Variants in ZSWIM7 observed in about 807,000 individuals in gnomAD.
ZSWIM7 encodes zinc finger SWIM domain-containing protein 7.
Under a neutral mutation model 21.1 loss-of-function variants are expected in ZSWIM7, and 22 were observed. That is an observed-to-expected ratio of 1.04 (90% CI 0.74 to 1.49). ZSWIM7 has a LOEUF of 1.49. ZSWIM7 is among the 40% of genes most tolerant of loss of function. ZSWIM7 has a pLI of 0.00. For missense variants in ZSWIM7, 193 were observed against 168.0 expected (o/e 1.15, Z -0.82); for synonymous variants, 67 against 66.5 (o/e 1.01, Z -0.04).
chr17:15,995,573 C>CT (rs1487975423), intron 1 of ZSWIM7, among the ~76,000 whole-genome samples: 97 of 118,746 alleles, frequency 8.2e-4, no homozygotes, highest in African/African-American at 3.3e-3. Flanking sequence ...GACCCTGTCT[C>CT]TTAAAAAAAA....
chr17:15,986,144 A>C (rs776240042), intron 3 of ZSWIM7, among the ~76,000 whole-genome samples: 2 of 152,132 alleles, frequency 1.3e-5, no homozygotes, highest in African/African-American at 2.4e-5. Context: ...CCTGGGTTCA[A>C]GCAATTCTTC....
chr17:15,996,254 G>A (rs1198538882), intron 1 of ZSWIM7, among the ~76,000 whole-genome samples: 1 of 152,066 alleles, frequency 6.6e-6, no homozygotes, highest in Non-Finnish European at 1.5e-5. Context: ...GGTGAGCAGA[G>A]ATTGCACCAT....
At chr17:15,994,515 T>G (rs540186260) in intron 1 of ZSWIM7, among the ~76,000 whole-genome samples, 210 of 152,286 alleles carry the variant, frequency 1.4e-3, no homozygotes, top group African/African-American at 4.8e-3. Context: ...AATAAGACTC[T>G]TTTCGAGTAC....
chr17:15,986,264 G>GC (rs1970408940), intron 3 of ZSWIM7, among the ~76,000 whole-genome samples: 1 of 152,086 alleles, frequency 6.6e-6, no homozygotes, highest in African/African-American at 2.4e-5. Context: ...GGCTGGTCTT[G>GC]AACTCCTGAC....
In ZSWIM7 at chr17:15,976,923, C is replaced by T. The variant is rs1042948900; in HGVS notation, c.*1124G>A. The T allele has an allele frequency of 2.0e-5, 3 of 152,094 alleles. No individual in the cohort carries two copies. The highest frequency in any genetic ancestry group is 7.2e-5 in the African/African-American group (3 of 41,408). 9.4% of individuals were successfully genotyped at this position (152,094 alleles called of 1,614,324 possible). A position where few individuals can be genotyped will look rare whatever the true frequency, so the allele number is the denominator to read the frequency against. The stretch of plus-strand genomic sequence containing the variant: ...CTGAAATTGATTTCATTTTCATCTT[C>T]ACGTATTATTGCTTCTTTGCTCTCT... On this transcript the variant is annotated 3_prime_UTR_variant, in exon 5 of 5. Transcript: ENST00000399277.
At chr17:15,980,927 C>G (rs1268916406) in intron 4 of ZSWIM7, 113 bp downstream of exon 4, 1 of 702,272 alleles carries the variant, frequency 1.4e-6, no homozygotes, top group Non-Finnish European at 2.2e-6. Flanking sequence ...AAAAAACTAC[C>G]ATTTGTTTCA....
chr17:15,991,910 TTTTG>T (rs1567571355), intron 2 of ZSWIM7, among the ~76,000 whole-genome samples: 1 of 97,416 alleles, frequency 1.0e-5, no homozygotes, highest in Non-Finnish European at 2.1e-5. Flanking sequence ...TTTTGTTTTT[TTTTG>T]TTTGTTTTGT....
intron 3 of ZSWIM7, among the ~76,000 whole-genome samples, chr17:15,983,794 C>T (rs1272763924): frequency 1.3e-5 from 2 of 152,048 alleles, no homozygotes; most frequent in Non-Finnish European, 2.9e-5. Context: ...GCCATGTTGG[C>T]CAGGCTGGTC....
intron 1 of ZSWIM7, among the ~76,000 whole-genome samples, chr17:15,997,505 GAAAAC>G (rs1178713587): frequency 1.3e-5 from 2 of 152,098 alleles, no homozygotes; most frequent in African/African-American, 4.8e-5. Context: ...AAGTTACAAA[GAAAAC>G]AAAAAGTAAT....
At position 15,999,697 on chromosome 17, in the gene ZSWIM7, G is replaced by C. The variant is rs1970651078; in HGVS notation, c.-103C>G. The C allele has an allele frequency of 6.4e-7, 1 of 1,554,492 alleles. No individual in the cohort carries two copies. Among genetic ancestry groups the C allele is most frequent in the South Asian group, 1.2e-5 (1 of 84,780 alleles). On this transcript the variant is annotated 5_prime_UTR_variant, in exon 1 of 5. Coordinates refer to ENST00000399277, the MANE Select transcript of ZSWIM7 (RefSeq NM_001042697.2). ...CTGACCCCCCGCCGGGGCAGGGCGA[G>C]ACGGAGTGACGTCGGGGCGCGTCAT... is the stretch of plus-strand genomic sequence containing the variant.
chr17:15,993,619 G>A (rs1050705751), intron 2 of ZSWIM7, 138 bp downstream of exon 2: 7 of 612,358 alleles, frequency 1.1e-5, no homozygotes, highest in African/African-American at 1.9e-5. Flanking sequence ...ACTCACCTTG[G>A]CCTCCCAAAG....
chr17:15,978,497 C>T (rs896319234), intron 4 of ZSWIM7, among the ~76,000 whole-genome samples: 2 of 152,168 alleles, frequency 1.3e-5, no homozygotes, highest in African/African-American at 4.8e-5. Context: ...ACTCAGGAGG[C>T]TGAGCCATGA....
At chr17:15,982,292 T>A (rs776630721) in intron 3 of ZSWIM7, among the ~76,000 whole-genome samples, 47 of 152,168 alleles carry the variant, frequency 3.1e-4, no homozygotes, top group South Asian at 8.3e-4. Context: ...AGGTCTTCAT[T>A]CCTAGAGTTA....
At position 15,999,610 on chromosome 17, in the gene ZSWIM7, G is replaced by T; in HGVS notation, c.-16C>A. On this transcript the variant is annotated 5_prime_UTR_variant, in exon 1 of 5. Transcript: ENST00000399277. ...CTACGGCCATCGCGCCGCAGGACAC[G>T]CCCTCCACGACCGGCGGACCGCCGC... The T allele has an allele frequency of 1.3e-6, 2 of 1,568,364 alleles. No homozygotes were observed. The highest frequency in any genetic ancestry group is 1.7e-6 in the Non-Finnish European group (2 of 1,158,266).
chr17:15,980,420 G>C (rs1970341647), intron 4 of ZSWIM7: 1 of 152,298 alleles, frequency 6.6e-6, no homozygotes, highest in Non-Finnish European at 1.5e-5. Context: ...AGATGTTTAA[G>C]AAGTTAACAG....
At position 15,979,879 on chromosome 17, in the gene ZSWIM7, A is replaced by AC. The variant is rs1190932384; in HGVS notation, c.306+1160dup. On this transcript the variant is annotated intron_variant, in intron 4 of 4. Coordinates refer to ENST00000399277, the MANE Select transcript of ZSWIM7 (RefSeq NM_001042697.2). ...GGGCGGCTGGCCGGGCGGGGGGCTG[A>AC]CCCCCCCACCTCCCTCCCGGACGGG... Among the ~76,000 whole-genome samples the AC allele has an allele frequency of 6.9e-5, 2 of 29,192 alleles. 1 individual carries two copies. Among genetic ancestry groups the AC allele is most frequent in the African/African-American group, 5.8e-4 (2 of 3,470 alleles). 19.2% of individuals were successfully genotyped at this position (29,192 alleles called of 152,430 possible).
rs755960312 is a variant in ZSWIM7 at position 15,981,025 on chromosome 17, C to G, written c.306+15G>C. 2 of 1,596,264 alleles carry G rather than the reference C, an allele frequency of 1.3e-6. No homozygotes were observed. The highest frequency in any genetic ancestry group is 2.2e-5 in the East Asian group (1 of 44,650). On this transcript the variant is annotated intron_variant, in intron 4 of 4. Coordinates refer to ENST00000399277, the MANE Select transcript of ZSWIM7 (RefSeq NM_001042697.2). ...TACATTCAACTACAGTGGGAAGAGT[C>G]TTCCCCATCCTCACCAGGATGCTGT...
Position 15,977,133 on chromosome 17 carries a change from C to T in ZSWIM7, c.*914G>A, listed in dbSNP as rs547037163. The T allele has an allele frequency of 6.6e-6, 1 of 152,218 alleles. No homozygotes were observed. The highest frequency in any genetic ancestry group is 2.1e-4 in the South Asian group (1 of 4,816). 9.4% of individuals were successfully genotyped at this position (152,218 alleles called of 1,614,324 possible). A position where few individuals can be genotyped will look rare whatever the true frequency, so the allele number is the denominator to read the frequency against. On this transcript the variant is annotated 3_prime_UTR_variant, in exon 5 of 5. Transcript: ENST00000399277. ...GAAGTGCAGAGTGAAACCAGTTCTT[C>T]CCTTGTTCTCGATACTAACTCTCAA...
chr17:15,992,591 C>G (rs768082189), intron 2 of ZSWIM7, among the ~76,000 whole-genome samples: 1 of 151,956 alleles, frequency 6.6e-6, no homozygotes, highest in Non-Finnish European at 1.5e-5. Context: ...AGGAATGCAC[C>G]ACCATGCTTG....
Sources: gnomAD v4.1 joint callset for allele counts (sites outside exome capture counted in the v4.1 genomes callset) on GRCh38, gnomAD v4.1.1 for gene constraint, MANE v1.5 for transcripts, NCBI Gene and HGNC (gene_info 2026-07-23, HGNC 2026-07-21) for gene names.